The following NEK11 variants were observed in gnomAD, a reference collection of about 807,000 sequenced individuals.
NEK11 encodes serine/threonine-protein kinase Nek11.
In NEK11, 72 loss-of-function variants were observed where a neutral mutation model predicts 80.7. The ratio of observed to expected loss-of-function variants is 0.89; its 90% CI spans 0.74 to 1.08. The LOEUF is 1.08. Ranked by LOEUF, NEK11 falls within the 50% of genes least tolerant of loss-of-function variation. NEK11 has a pLI of 0.00. For synonymous variants in NEK11, 251 were observed against 260.7 expected (o/e 0.96, Z 0.36); for missense variants, 764 against 763.6 (o/e 1.00, Z -0.01).
At chr3:131,273,596 C>A (rs766697156) in intron 17 of NEK11, 22 bp downstream of exon 17, 2 of 1,568,864 alleles carry the variant, frequency 1.3e-6, no homozygotes, top group South Asian at 2.2e-5. Context: ...GTTGCCTGCC[C>A]CCTAGGAAGG....
At chr3:131,261,879 T>C (rs149120047) in intron 16 of NEK11, among the ~76,000 whole-genome samples, 2 of 152,104 alleles carry the variant, frequency 1.3e-5, no homozygotes, top group African/African-American at 4.8e-5. Flanking sequence ...ATATATGGCT[T>C]AAAAAACTGG....
chr3:131,122,605 G>T (rs1385581077), intron 5 of NEK11, among the ~76,000 whole-genome samples: 1 of 152,236 alleles, frequency 6.6e-6, no homozygotes, highest in Non-Finnish European at 1.5e-5. Context: ...AGCACCTTTG[G>T]CAAGAAGAGT....
At chr3:131,333,155 C>T (rs892174215) in intron 17 of NEK11, among the ~76,000 whole-genome samples, 3 of 151,996 alleles carry the variant, frequency 2.0e-5, no homozygotes, top group African/African-American at 7.2e-5. Context: ...AACTCCAAGA[C>T]ACATAATTGT....
intron 14 of NEK11, among the ~76,000 whole-genome samples, chr3:131,222,844 C>T (rs1434072130): frequency 6.6e-6 from 1 of 152,206 alleles, no homozygotes. Context: ...AACAAGCCCA[C>T]AGGTGATCCT....
chr3:131,051,782 C>T (rs2068457150), intron 3 of NEK11, among the ~76,000 whole-genome samples: 1 of 152,160 alleles, frequency 6.6e-6, no homozygotes, highest in African/African-American at 2.4e-5. Flanking sequence ...CCTCCCTCCT[C>T]AGCCTCCAGA....
chr3:131,294,272 T>A (rs1215349172), intron 17 of NEK11, among the ~76,000 whole-genome samples: 1 of 152,124 alleles, frequency 6.6e-6, no homozygotes, highest in Non-Finnish European at 1.5e-5. Context: ...TTTTCATTTC[T>A]ATTTAGTTCA....
At chr3:131,313,330 C>T (rs140791812) in intron 17 of NEK11, among the ~76,000 whole-genome samples, 1 of 152,268 alleles carries the variant, frequency 6.6e-6, no homozygotes, top group East Asian at 1.9e-4. Context: ...CCTTTGGTTA[C>T]ATACCCAGTA....
intron 17 of NEK11, among the ~76,000 whole-genome samples, chr3:131,334,641 G>A (rs1487389541): frequency 6.6e-6 from 1 of 151,468 alleles, no homozygotes; most frequent in Non-Finnish European, 1.5e-5. Context: ...AGGAAATAGA[G>A]ACACAAAAAA....
chr3:131,096,990 G>C (rs2077540545), intron 4 of NEK11, among the ~76,000 whole-genome samples: 1 of 149,550 alleles, frequency 6.7e-6, no homozygotes, highest in African/African-American at 2.5e-5. Flanking sequence ...GCGGTGTTTG[G>C]TGTTTTGTCC....
intron 16 of NEK11, among the ~76,000 whole-genome samples, chr3:131,257,549 G>A (rs986376296): frequency 7.2e-5 from 11 of 152,156 alleles, no homozygotes; most frequent in Non-Finnish European, 1.0e-4. Flanking sequence ...TGGCCCTTGC[G>A]GTGTCTTGTG....
At chr3:131,264,771 G>A (rs2096012933) in intron 16 of NEK11, among the ~76,000 whole-genome samples, 2 of 152,150 alleles carry the variant, frequency 1.3e-5, no homozygotes, top group Non-Finnish European at 2.9e-5. Flanking sequence ...GTAGCTTGAT[G>A]GGGATGGCAT....
At chr3:131,125,414 G>A (rs1176525115) in intron 5 of NEK11, among the ~76,000 whole-genome samples, 2 of 152,084 alleles carry the variant, frequency 1.3e-5, no homozygotes, top group African/African-American at 4.8e-5. Context: ...ATTAATAATA[G>A]TAATATTAAT....
At chr3:131,040,409 T>C (rs1325686058) in intron 3 of NEK11, among the ~76,000 whole-genome samples, 1 of 152,202 alleles carries the variant, frequency 6.6e-6, no homozygotes, top group Non-Finnish European at 1.5e-5. Context: ...GATGGTGTCA[T>C]GTTTCATGGG....
At chr3:131,256,285 C>T (rs943165862) in intron 16 of NEK11, among the ~76,000 whole-genome samples, 7 of 152,090 alleles carry the variant, frequency 4.6e-5, no homozygotes, top group Non-Finnish European at 1.5e-5. Context: ...GATTTTTATA[C>T]AATGTATACA....
At chr3:131,102,167 T>A (rs538318433) in intron 4 of NEK11, among the ~76,000 whole-genome samples, 2 of 152,290 alleles carry the variant, frequency 1.3e-5, no homozygotes, top group East Asian at 3.9e-4. Flanking sequence ...ATATGGGATG[T>A]TTAGCTCATT....
At chr3:131,276,061 T>A (rs564684132) in intron 17 of NEK11, among the ~76,000 whole-genome samples, 1 of 152,186 alleles carries the variant, frequency 6.6e-6, no homozygotes, top group South Asian at 2.1e-4. Flanking sequence ...CACAGAGGGA[T>A]GTAATTTGGA....
intron 17 of NEK11, chr3:131,330,509 T>C (rs908017096): frequency 6.6e-6 from 1 of 152,164 alleles, no homozygotes; most frequent in Admixed American, 6.5e-5. Context: ...CAGGGAGATA[T>C]GGAGGAACAA....
At chr3:131,165,560 C>A in intron 12 of NEK11, 41 bp downstream of exon 12, 2 of 1,346,128 alleles carry the variant, frequency 1.5e-6, no homozygotes, top group South Asian at 1.3e-5. Context: ...AAAAATTTTT[C>A]TTGCTTTAGA....
chr3:131,331,239 T>G (rs757708218), intron 17 of NEK11, among the ~76,000 whole-genome samples: 1 of 152,202 alleles, frequency 6.6e-6, no homozygotes, highest in Non-Finnish European at 1.5e-5. Flanking sequence ...ACTCTTAGTG[T>G]GATGGACAGA....
Sources: gnomAD v4.1 joint callset for allele counts (sites outside exome capture counted in the v4.1 genomes callset) on GRCh38, gnomAD v4.1.1 for gene constraint, MANE v1.5 for transcripts, NCBI Gene and HGNC (gene_info 2026-07-23, HGNC 2026-07-21) for gene names.